The following RYR2 variants were observed in gnomAD, a reference collection of about 807,000 sequenced individuals.
RYR2 encodes cardiac muscle ryanodine receptor-calcium release channel.
Under a neutral mutation model 601.1 loss-of-function variants are expected in RYR2, and 227 were observed. The observed-to-expected ratio is 0.38, with a 90% CI of 0.34 to 0.42. The LOEUF (loss-of-function observed/expected upper bound fraction) is 0.42. Ranked by LOEUF, RYR2 falls within the 10% of genes least tolerant of loss-of-function variation. The pLI, the probability that RYR2 is intolerant of heterozygous loss-of-function variation, is 1.00. For missense variants in RYR2, 4,646 were observed against 6,156.5 expected, an observed-to-expected ratio of 0.75 and a Z score of 8.21; for synonymous variants, 2,223 against 2,175.1, an observed-to-expected ratio of 1.02 and a Z score of -0.61.
At chr1:237,804,716 T>C (rs1422788221) in intron 98 of RYR2, among the ~76,000 whole-genome samples, 1 of 152,180 alleles carries the variant, frequency 6.6e-6, no homozygotes, top group African/African-American at 2.4e-5. Flanking sequence ...CACATGGTAT[T>C]TGGGTTTCTC....
intron 2 of RYR2, among the ~76,000 whole-genome samples, chr1:237,272,728 TAA>T (rs888011985): frequency 1.3e-5 from 2 of 151,042 alleles, no homozygotes; most frequent in African/African-American, 4.9e-5. Flanking sequence ...AAAAATGAAC[TAA>T]AAGAAATTAA....
At chr1:237,047,264 A>T (rs1400020771) in intron 1 of RYR2, among the ~76,000 whole-genome samples, 1 of 152,146 alleles carries the variant, frequency 6.6e-6, no homozygotes, top group East Asian at 1.9e-4. Flanking sequence ...TCTGTCTCCA[A>T]ATCTGTCCTC....
chr1:237,559,630 A>G (rs1671258483), intron 27 of RYR2, among the ~76,000 whole-genome samples: 1 of 152,182 alleles, frequency 6.6e-6, no homozygotes, highest in Non-Finnish European at 1.5e-5. Context: ...TCTTTGTCTA[A>G]TAAGCCCAAC....
chr1:237,798,171 G>C lies in RYR2; in HGVS notation c.14090+1G>C. 2 of 1,611,752 alleles carry C rather than the reference G, an allele frequency of 1.2e-6. No individual in the cohort carries two copies. Among genetic ancestry groups the C allele is most frequent in the Non-Finnish European group, 1.7e-6 (2 of 1,179,022 alleles). ...AGAAAGACAGCTCCTTATCAGCTGT[G>C]TAAGTGTTACTTCGGCTCTATCCTA... On this transcript the variant is annotated splice_donor_variant, in intron 97 of 104. Coordinates refer to ENST00000366574, the MANE Select transcript of RYR2 (RefSeq NM_001035.3). LOFTEE classifies it high-confidence loss of function.
At chr1:237,717,064 A>G (rs530987012) in intron 71 of RYR2, 134 bp from the exon 72 acceptor site, 1 of 723,614 alleles carries the variant, frequency 1.4e-6, no homozygotes, top group South Asian at 2.5e-5. Context: ...AATTATTCTC[A>G]AAACAGGAGG....
rs79663570 is a variant in RYR2 at position 237,681,244 on chromosome 1, C to T, written c.9017+667C>T. On this transcript the variant is annotated intron_variant, in intron 62 of 104. Coordinates refer to ENST00000366574, the MANE Select transcript of RYR2 (RefSeq NM_001035.3). ...TCCATACCAAGCTTTTAGATTGTATCGGAACAAAATTTCTATAAAAGTGAA... is the reference window on the plus strand; with the variant it reads ...TCCATACCAAGCTTTTAGATTGTATTGGAACAAAATTTCTATAAAAGTGAA... Among the ~76,000 whole-genome samples, 1,419 of 152,224 alleles carry T rather than the reference C, an allele frequency of 9.3e-3. 31 individuals are homozygous for T. Among genetic ancestry groups the T allele is most frequent in the East Asian group, 0.057 (295 of 5,172 alleles).
At position 237,548,553 on chromosome 1, in the gene RYR2, A is replaced by T. The variant is rs1670058857; in HGVS notation, c.3029A>T (p.Asp1010Val). Residue 1010 changes from aspartate to valine, a missense_variant, in exon 26 of 105, where the codon GAT becomes GTT. By Grantham distance (152) the Asp-to-Val change is radical. Transcript: ENST00000366574. ...AENAHNVWAR[D>V]RIRQGWTYGI... ...AATGCACATAATGTGTGGGCGCGGG[A>T]TCGAATCCGGCAGGGCTGGACTTAT... is the stretch of plus-strand genomic sequence containing the variant. 1 of 1,614,004 alleles carries T rather than the reference A, an allele frequency of 6.2e-7. No individual in the cohort carries two copies. The highest frequency in any genetic ancestry group is 8.5e-7 in the Non-Finnish European group (1 of 1,179,880).
At chr1:237,050,839 T>C (rs931844668) in intron 1 of RYR2, among the ~76,000 whole-genome samples, 9 of 152,244 alleles carry the variant, frequency 5.9e-5, no homozygotes, top group African/African-American at 2.2e-4. Context: ...TTGTATTCTC[T>C]TCTTTTCCAC....
intron 5 of RYR2, among the ~76,000 whole-genome samples, chr1:237,364,814 C>G (rs959486438): frequency 6.6e-6 from 1 of 152,080 alleles, no homozygotes; most frequent in Non-Finnish European, 1.5e-5. Flanking sequence ...CATTTATGCC[C>G]TTTTGCATGA....
chr1:237,071,449 C>G (rs1664306241), intron 1 of RYR2, among the ~76,000 whole-genome samples: 1 of 152,116 alleles, frequency 6.6e-6, no homozygotes, highest in South Asian at 2.1e-4. Context: ...GTCTCGAACT[C>G]CTGACCTCAG....
At chr1:237,395,471 G>C (rs933153867) in intron 10 of RYR2, among the ~76,000 whole-genome samples, 3 of 150,854 alleles carry the variant, frequency 2.0e-5, no homozygotes, top group African/African-American at 7.3e-5. Flanking sequence ...TTAAATACGA[G>C]GGTCTAGTCA....
intron 1 of RYR2, among the ~76,000 whole-genome samples, chr1:237,144,419 G>A (rs1673751719): frequency 6.6e-6 from 1 of 152,166 alleles, no homozygotes; most frequent in Admixed American, 6.5e-5. Flanking sequence ...ACCTGCCGAA[G>A]TTAGACTGCC....
chr1:237,410,957 T>C (rs755902422), intron 10 of RYR2, among the ~76,000 whole-genome samples: 2 of 152,206 alleles, frequency 1.3e-5, no homozygotes, highest in Non-Finnish European at 2.9e-5. Context: ...GCATACACAA[T>C]AGAATATTAT....
At chr1:237,052,695 G>C (rs1159307012) in intron 1 of RYR2, among the ~76,000 whole-genome samples, 1 of 151,858 alleles carries the variant, frequency 6.6e-6, no homozygotes, top group Non-Finnish European at 1.5e-5. Context: ...CTGTAGGCAA[G>C]AACAGGGTTT....
At chr1:237,652,529 T>C (rs200557781) in intron 51 of RYR2, among the ~76,000 whole-genome samples, 1 of 152,322 alleles carries the variant, frequency 6.6e-6, no homozygotes, top group South Asian at 2.1e-4. Context: ...AAAGAGTCTA[T>C]ATGGAGCTGT....
chr1:237,552,618 G>A (rs907624122), intron 27 of RYR2, among the ~76,000 whole-genome samples: 1 of 151,962 alleles, frequency 6.6e-6, no homozygotes, highest in Middle Eastern at 3.4e-3. Flanking sequence ...TATAAATGTA[G>A]ATTTTATAAT....
At chr1:237,409,073 T>C (rs1272480812) in intron 10 of RYR2, among the ~76,000 whole-genome samples, 1 of 152,164 alleles carries the variant, frequency 6.6e-6, no homozygotes, top group Non-Finnish European at 1.5e-5. Context: ...TTATTCTTGA[T>C]TCTTTGAGAT....
rs547889892 is a variant in RYR2, at chr1:237,690,893, A to T, written c.9067+3389A>T. On this transcript the variant is annotated intron_variant, in intron 63 of 104. Transcript: ENST00000366574. ...ATTTCCAGAATGAATCAGAAGTGTT[A>T]TAACCCAACTATTTACTTTTTGATT... Among the ~76,000 whole-genome samples, 31 of 152,340 alleles carry T rather than the reference A, an allele frequency of 2.0e-4. 1 individual carries two copies. In the South Asian group the frequency reaches 6.4e-3, roughly 32 times the overall value.
chr1:237,158,162 T>C (rs1343177417), intron 1 of RYR2, among the ~76,000 whole-genome samples: 2 of 152,210 alleles, frequency 1.3e-5, no homozygotes, highest in African/African-American at 2.4e-5. Flanking sequence ...GCATAGAAAG[T>C]ACCAAATAAG....
Sources: gnomAD v4.1 joint callset for allele counts (sites outside exome capture counted in the v4.1 genomes callset) on GRCh38, gnomAD v4.1.1 for gene constraint, MANE v1.5 for transcripts, NCBI Gene and HGNC (gene_info 2026-07-23, HGNC 2026-07-21) for gene names.